Variants in ANKRD30B observed in about 807,000 individuals in gnomAD.
ANKRD30B encodes ankyrin repeat domain-containing protein 30B.
In ANKRD30B, 144 loss-of-function variants were observed where a neutral mutation model predicts 202.2. The ratio of observed to expected loss-of-function variants is 0.71; its 90% CI spans 0.62 to 0.82. ANKRD30B has a LOEUF of 0.82. ANKRD30B is among the 40% of genes least tolerant of loss of function. The pLI is 0.00. For synonymous variants in ANKRD30B, 508 were observed against 561.3 expected (o/e 0.91, Z 1.34); for missense variants, 1,487 against 1,669.1 (o/e 0.89, Z 1.90).
At chr18:14,775,305 A>G (rs1967290515) in intron 9 of ANKRD30B, among the ~76,000 whole-genome samples, 1 of 152,248 alleles carries the variant, frequency 6.6e-6, no homozygotes, top group Admixed American at 6.5e-5. Context: ...CTAGGAATCT[A>G]TTTAGTTCTG....
Position 14,814,686 on chromosome 18 carries a change from C to T in ANKRD30B, c.2616C>T (p.Phe872=), listed in dbSNP as rs781092295. 14 of 1,089,364 alleles carry T rather than the reference C, an allele frequency of 1.3e-5. 2 individuals carry two copies. Among genetic ancestry groups the T allele is most frequent in the South Asian group, 4.6e-5 (3 of 65,842 alleles). 67.5% of individuals were successfully genotyped at this position (1,089,364 alleles called of 1,614,324 possible). A position where few individuals can be genotyped will look rare whatever the true frequency, so the allele number is the denominator to read the frequency against. The change falls in exon 30 of 44, where the codon TTC becomes TTT. Residue 872 remains phenylalanine (F), a synonymous_variant. Coordinates refer to ENST00000690538, the MANE Select transcript of ANKRD30B (RefSeq NM_001367607.2). ...CCAAGGCTACACATCAAAAAGAATT[C>T]GATACCTTAAGTGGAAAATTAGAAG... is the stretch of plus-strand genomic sequence containing the variant. ...CLPKATHQKE[F]DTLSGKLEES...
intron 22 of ANKRD30B, among the ~76,000 whole-genome samples, chr18:14,800,575 C>T (rs150382302): frequency 0.023 from 3,417 of 150,706 alleles, 221 homozygotes; most frequent in African/African-American, 0.08. Context: ...CCACCCACCT[C>T]GGCCTCCTAA....
At chr18:14,781,879 T>C (rs1967773432) in intron 11 of ANKRD30B, among the ~76,000 whole-genome samples, 1 of 152,200 alleles carries the variant, frequency 6.6e-6, no homozygotes, top group African/African-American at 2.4e-5. Flanking sequence ...TTAATTGACA[T>C]TGTGGACTTC....
At chr18:14,784,938 C>T (rs529648601) in intron 14 of ANKRD30B, among the ~76,000 whole-genome samples, 1 of 152,146 alleles carries the variant, frequency 6.6e-6, no homozygotes, top group South Asian at 2.1e-4. Flanking sequence ...TATTAATTAC[C>T]TCATTTCCGG....
chr18:14,811,168 A>G (rs949597850), intron 28 of ANKRD30B, among the ~76,000 whole-genome samples: 2 of 151,628 alleles, frequency 1.3e-5, no homozygotes, highest in African/African-American at 2.4e-5. Context: ...GACTATGTGT[A>G]GAATTTGTTT....
At chr18:14,783,361 G>A (rs2143868343) in intron 12 of ANKRD30B, among the ~76,000 whole-genome samples, 1 of 152,224 alleles carries the variant, frequency 6.6e-6, no homozygotes, top group South Asian at 2.1e-4. Flanking sequence ...ACTTTGAATA[G>A]CAAGAGGAGT....
At chr18:14,818,263 G>T (rs1357002156) in intron 30 of ANKRD30B, among the ~76,000 whole-genome samples, 2 of 152,016 alleles carry the variant, frequency 1.3e-5, no homozygotes, top group Admixed American at 1.3e-4. Context: ...GTTATTTTCA[G>T]TAACCATTAT....
chr18:14,814,638 C>G lies in ANKRD30B; in HGVS notation c.2568C>G (p.Leu856=), dbSNP rs764491466. 7.5e-6 allele frequency: 9 copies of G among 1,192,706 alleles called. No individual in the cohort carries two copies. The highest frequency in any genetic ancestry group is 1.1e-5 in the Non-Finnish European group (9 of 847,562). 73.9% of individuals were successfully genotyped at this position (1,192,706 alleles called of 1,614,324 possible). ...TTTAACAGAGTTTCCTTGAGGCTCT[C>G]TTACAGAATGATGGGTGTTTACCCA... The part of the protein sequence containing the change: ...SWDFESFLEA[L]LQNDGCLPKA... Residue 856 remains leucine, a synonymous_variant, in exon 30 of 44, where the codon CTC becomes CTG. Coordinates refer to ENST00000690538, the MANE Select transcript of ANKRD30B (RefSeq NM_001367607.2).
the ANKRD30B span, among the ~76,000 whole-genome samples, chr18:14,902,755 G>A: frequency 3.5e-4 from 54 of 152,208 alleles, no homozygotes; most frequent in South Asian, 2.1e-4. Context: ...TTGTACACTC[G>A]ATTTGTCCCA....
At chr18:14,809,915 C>T in intron 26 of ANKRD30B, 71 bp from the exon 27 acceptor site, 1 of 1,284,632 alleles carries the variant, frequency 7.8e-7, no homozygotes, top group South Asian at 1.2e-5. Flanking sequence ...TTCATATTCA[C>T]ACTCTATGAA....
intron 24 of ANKRD30B, among the ~76,000 whole-genome samples, chr18:14,804,456 T>C (rs1339780038): frequency 6.9e-6 from 1 of 145,182 alleles, no homozygotes; most frequent in African/African-American, 2.6e-5. Context: ...TTTCAAACTT[T>C]AGAAAACCGT....
chr18:14,752,769 G>A (rs45620343), intron 2 of ANKRD30B, 70 bp from the exon 3 acceptor site: 727,950 of 1,538,470 alleles, frequency 0.47, 173,773 homozygotes, highest in East Asian at 0.58. Flanking sequence ...CAACTAGTTT[G>A]TGAAACCTGT....
At chr18:14,798,589 G>A (rs1370306400) in intron 20 of ANKRD30B, among the ~76,000 whole-genome samples, 1 of 152,124 alleles carries the variant, frequency 6.6e-6, no homozygotes, top group African/African-American at 2.4e-5. Flanking sequence ...GAGGCTAGAA[G>A]AGCCGTGGCA....
chr18:14,816,067 T>C (rs1970085428), intron 30 of ANKRD30B: 1 of 152,172 alleles, frequency 6.6e-6, no homozygotes, highest in African/African-American at 2.4e-5. Flanking sequence ...ACAGGACATA[T>C]TAAAGAACAT....
At chr18:14,841,310 C>T (rs974817820) in intron 37 of ANKRD30B, among the ~76,000 whole-genome samples, 8 of 152,256 alleles carry the variant, frequency 5.3e-5, no homozygotes, top group South Asian at 2.1e-4. Flanking sequence ...TAACAATGCA[C>T]GCTGTGACTC....
intron 34 of ANKRD30B, among the ~76,000 whole-genome samples, chr18:14,834,003 A>G (rs1174835259): frequency 6.6e-6 from 1 of 152,146 alleles, no homozygotes; most frequent in Non-Finnish European, 1.5e-5. Flanking sequence ...TTCATTACTC[A>G]ATCATTGCCC....
chr18:14,930,018 G>T, the ANKRD30B span, among the ~76,000 whole-genome samples: 1 of 152,188 alleles, frequency 6.6e-6, no homozygotes, highest in Non-Finnish European at 1.5e-5. Flanking sequence ...TTCCCTCACA[G>T]GTAGATGGGA....
the ANKRD30B span, among the ~76,000 whole-genome samples, chr18:14,892,426 T>G: frequency 6.6e-6 from 1 of 152,190 alleles, no homozygotes; most frequent in African/African-American, 2.4e-5. Flanking sequence ...TATTGCCCAC[T>G]ATTTCTTTAC....
At chr18:14,769,560 C>T (rs1916773080) in intron 8 of ANKRD30B, among the ~76,000 whole-genome samples, 187 bp downstream of exon 8, 1 of 152,168 alleles carries the variant, frequency 6.6e-6, no homozygotes, top group African/African-American at 2.4e-5. Context: ...TTGTATTAAA[C>T]AGGCAAATGT....
Sources: gnomAD v4.1 joint callset for allele counts (sites outside exome capture counted in the v4.1 genomes callset) on GRCh38, gnomAD v4.1.1 for gene constraint, MANE v1.5 for transcripts, NCBI Gene and HGNC (gene_info 2026-07-23, HGNC 2026-07-21) for gene names.